Variants in ASB7 observed in about 807,000 individuals in gnomAD.
The protein encoded by ASB7 is ankyrin repeat and SOCS box protein 7.
A neutral mutation model predicts 32.5 loss-of-function variants in ASB7; 4 were observed. The ratio of observed to expected loss-of-function variants is 0.12; its 90% CI spans 0.06 to 0.28. The LOEUF (loss-of-function observed/expected upper bound fraction) is 0.28, where lower values mean the gene tolerates loss of function less well. Among genes scored for constraint, ASB7 ranks in the 10% least tolerant of loss-of-function variants. The probability of loss-of-function intolerance (pLI) is 1.00; values close to 1 mark genes in which losing one functional copy is unlikely to be tolerated. For missense variants in ASB7, 181 were observed against 407.1 expected (o/e 0.44, Z 4.78); for synonymous variants, 172 against 155.6 (o/e 1.11, Z -0.78).
chr15:100,609,712 G>C lies in ASB7; in HGVS notation c.-168G>C, dbSNP rs1309643429. Reference sequence around the variant, plus strand: ...TTATTTTTATTTGTTTCTAGGTTAAGAAGGCTTTTTTGCTCTGTAGCCTGG... The same window carrying C: ...TTATTTTTATTTGTTTCTAGGTTAACAAGGCTTTTTTGCTCTGTAGCCTGG... On this transcript the variant is annotated 5_prime_UTR_variant, in exon 3 of 6. Coordinates refer to ENST00000332783, the MANE Select transcript of ASB7 (RefSeq NM_198243.3). 6.6e-6 allele frequency: 1 copy of C among 152,178 alleles called. No homozygotes were observed. Among genetic ancestry groups the C allele is most frequent in the Non-Finnish European group, 1.5e-5 (1 of 68,026 alleles). The allele number at this position is 152,178 out of a possible 1,614,324, so 9.4% of individuals were successfully genotyped here.
At chr15:100,621,822 A>G (rs2039794765) in intron 4 of ASB7, among the ~76,000 whole-genome samples, 1 of 152,066 alleles carries the variant, frequency 6.6e-6, no homozygotes, top group Non-Finnish European at 1.5e-5. Flanking sequence ...GGATTCTTTG[A>G]AAAGATCAAT....
chr15:100,641,625 C>T (rs1028945596), intron 5 of ASB7, among the ~76,000 whole-genome samples: 1 of 152,210 alleles, frequency 6.6e-6, no homozygotes, highest in African/African-American at 2.4e-5. Context: ...TACCAGTTTG[C>T]TCAGGACTGT....
chr15:100,628,388 G>A (rs929407437), intron 4 of ASB7, among the ~76,000 whole-genome samples: 1 of 152,176 alleles, frequency 6.6e-6, no homozygotes, highest in Non-Finnish European at 1.5e-5. Flanking sequence ...GGCTGTGTGT[G>A]TGTATGTATG....
intron 4 of ASB7, among the ~76,000 whole-genome samples, chr15:100,621,221 A>T (rs906905653): frequency 1.3e-5 from 2 of 152,232 alleles, no homozygotes; most frequent in Non-Finnish European, 2.9e-5. Flanking sequence ...AAGTTTAATT[A>T]ATGATTAGAT....
chr15:100,636,075 C>T (rs1474709179), intron 5 of ASB7, among the ~76,000 whole-genome samples: 1 of 152,174 alleles, frequency 6.6e-6, no homozygotes, highest in African/African-American at 2.4e-5. Flanking sequence ...TCAGACCAGT[C>T]AATTCACAGT....
intron 2 of ASB7, among the ~76,000 whole-genome samples, chr15:100,603,779 C>T (rs978124365): frequency 1.3e-5 from 2 of 152,168 alleles, no homozygotes; most frequent in African/African-American, 4.8e-5. Context: ...TTTGAGTTAT[C>T]TAACTGACAA....
rs941645215 is a variant in ASB7, at chr15:100,650,768, G to A, written c.*2306G>A. 2.0e-5 allele frequency: 3 copies of A among 152,074 alleles called. No individual in the cohort carries two copies. Among genetic ancestry groups the A allele is most frequent in the Non-Finnish European group, 2.9e-5 (2 of 67,998 alleles). The allele number at this position is 152,074 out of a possible 1,614,324, so 9.4% of individuals were successfully genotyped here. A position where few individuals can be genotyped will look rare whatever the true frequency, so the allele number is the denominator to read the frequency against. ...GAAGTGTATAATTCCATTATTTATTGTTTGAGGTTTGATTTATCTGGAAGC... is the reference window on the plus strand; with the variant it reads ...GAAGTGTATAATTCCATTATTTATTATTTGAGGTTTGATTTATCTGGAAGC... On this transcript the variant is annotated 3_prime_UTR_variant, in exon 6 of 6. Coordinates refer to ENST00000332783, the MANE Select transcript of ASB7 (RefSeq NM_198243.3).
intron 5 of ASB7, among the ~76,000 whole-genome samples, chr15:100,633,482 C>A (rs2039899482): frequency 6.6e-6 from 1 of 152,022 alleles, no homozygotes; most frequent in Non-Finnish European, 1.5e-5. Context: ...AAGGCTGAGG[C>A]AGGAGAATCG....
chr15:100,609,493 TG>T (rs1567111165), intron 2 of ASB7: 1 of 152,354 alleles, frequency 6.6e-6, no homozygotes, highest in East Asian at 1.9e-4. Flanking sequence ...AGCTGCATTT[TG>T]GGGGGAAAAG....
At chr15:100,644,403 T>A (rs1018127120) in intron 5 of ASB7, among the ~76,000 whole-genome samples, 1 of 152,240 alleles carries the variant, frequency 6.6e-6, no homozygotes, top group Admixed American at 6.5e-5. Context: ...GATAATTTAT[T>A]CTTTTCCTAA....
chr15:100,632,359 A>T (rs2039890274), intron 5 of ASB7, among the ~76,000 whole-genome samples: 1 of 152,186 alleles, frequency 6.6e-6, no homozygotes, highest in South Asian at 2.1e-4. Context: ...CAGGTGCCTC[A>T]ACATAATTTA....
chr15:100,621,560 A>G (rs950870607), intron 4 of ASB7, among the ~76,000 whole-genome samples: 5 of 152,206 alleles, frequency 3.3e-5, no homozygotes, highest in Non-Finnish European at 5.9e-5. Context: ...TATTTTTATC[A>G]TCATTTCATC....
intron 4 of ASB7, among the ~76,000 whole-genome samples, chr15:100,614,202 G>T (rs570076413): frequency 1.3e-5 from 2 of 151,762 alleles, no homozygotes; most frequent in Admixed American, 6.6e-5. Flanking sequence ...TGAACCCAGT[G>T]GGTGGAGGTT....
Position 100,648,583 on chromosome 15 carries a change from C to T in ASB7, c.*121C>T. ...GCTGTGAAATCAGAAAGCAGGTATA[C>T]ACTTTTGGGTTTTCTGTTTGTTTGG... is the stretch of plus-strand genomic sequence containing the variant. On this transcript the variant is annotated 3_prime_UTR_variant, in exon 6 of 6. Coordinates refer to ENST00000332783, the MANE Select transcript of ASB7 (RefSeq NM_198243.3). The T allele has an allele frequency of 1.2e-6, 1 of 865,364 alleles. No homozygotes were observed. Among genetic ancestry groups the T allele is most frequent in the East Asian group, 3.1e-5 (1 of 32,674 alleles). 53.6% of individuals were successfully genotyped at this position (865,364 alleles called of 1,614,324 possible). A position where few individuals can be genotyped will look rare whatever the true frequency, so the allele number is the denominator to read the frequency against.
At chr15:100,605,240 A>G (rs2039633359) in intron 2 of ASB7, among the ~76,000 whole-genome samples, 1 of 152,222 alleles carries the variant, frequency 6.6e-6, no homozygotes, top group African/African-American at 2.4e-5. Flanking sequence ...TATACCAGGC[A>G]TTTAGAATAT....
At position 100,605,703 on chromosome 15, in the gene ASB7, A is replaced by G. The variant is rs149490472; in HGVS notation, c.-174+2390A>G. Among the ~76,000 whole-genome samples the G allele has an allele frequency of 5.5e-3, 836 of 152,278 alleles. 10 individuals are homozygous for G. The highest frequency in any genetic ancestry group is 0.019 in the African/African-American group (794 of 41,554). ...TAGGATGATTGTCTCCTTTCTTGCA[A>G]ACTTTCTAGGAATTGACACATGAGG... On this transcript the variant is annotated intron_variant, in intron 2 of 5. Coordinates refer to ENST00000332783, the MANE Select transcript of ASB7 (RefSeq NM_198243.3).
At chr15:100,608,348 A>G (rs1018935609) in intron 2 of ASB7, among the ~76,000 whole-genome samples, 3 of 152,216 alleles carry the variant, frequency 2.0e-5, no homozygotes, top group Admixed American at 2.0e-4. Context: ...AGGAGAGACT[A>G]CCTATACAAA....
At chr15:100,643,254 G>T (rs549392702) in intron 5 of ASB7, among the ~76,000 whole-genome samples, 1 of 152,136 alleles carries the variant, frequency 6.6e-6, no homozygotes, top group South Asian at 2.1e-4. Context: ...ACTTAGCCTT[G>T]GAAGTTACTT....
At chr15:100,642,016 T>C (rs2039965001) in intron 5 of ASB7, among the ~76,000 whole-genome samples, 1 of 152,208 alleles carries the variant, frequency 6.6e-6, no homozygotes, top group Non-Finnish European at 1.5e-5. Flanking sequence ...CACTGTGATA[T>C]GCCTCCATCA....
Sources: gnomAD v4.1 joint callset for allele counts (sites outside exome capture counted in the v4.1 genomes callset) on GRCh38, gnomAD v4.1.1 for gene constraint, MANE v1.5 for transcripts, NCBI Gene and HGNC (gene_info 2026-07-23, HGNC 2026-07-21) for gene names.